Variants in ERC1 observed in about 807,000 individuals in gnomAD.
ERC1 encodes the protein RAB6 interacting protein 2.
ERC1 carries 56 observed loss-of-function variants against 132.0 expected under a neutral mutation model. That is an observed-to-expected ratio of 0.42 (90% CI 0.34 to 0.53). The LOEUF (loss-of-function observed/expected upper bound fraction) is 0.53, where lower values mean the gene tolerates loss of function less well. Ranked by LOEUF, ERC1 falls within the 20% of genes least tolerant of loss-of-function variation. The pLI, the probability that ERC1 is intolerant of heterozygous loss-of-function variation, is 0.03. For missense variants in ERC1, 1,202 were observed against 1,349.9 expected (o/e 0.89, Z 1.72); for synonymous variants, 478 against 476.1 (o/e 1.00, Z -0.05).
intron 2 of ERC1, among the ~76,000 whole-genome samples, chr12:1,041,207 T>C (rs1180761943): frequency 2.3e-5 from 3 of 128,222 alleles, no homozygotes; most frequent in Admixed American, 8.4e-5. Flanking sequence ...AAGTCTCTCT[T>C]TCTTTTTTTT....
At chr12:1,097,445 CT>C (rs1210831466) in intron 3 of ERC1, among the ~76,000 whole-genome samples, 1 of 152,170 alleles carries the variant, frequency 6.6e-6, no homozygotes, top group African/African-American at 2.4e-5. Flanking sequence ...TAAGCTTGAC[CT>C]TTTAGTGTCT....
At chr12:1,017,843 A>G (rs1965765569) in intron 1 of ERC1, among the ~76,000 whole-genome samples, 1 of 152,158 alleles carries the variant, frequency 6.6e-6, no homozygotes, top group South Asian at 2.1e-4. Context: ...TACAAAATTC[A>G]TCTTAAGTGC....
intron 1 of ERC1, chr12:998,271 T>C (rs1170267147): frequency 3.3e-5 from 5 of 152,268 alleles, no homozygotes; most frequent in Non-Finnish European, 7.3e-5. Flanking sequence ...CTAGTTTCTA[T>C]TGGCTATATA....
intron 15 of ERC1, among the ~76,000 whole-genome samples, chr12:1,347,507 A>G (rs1486821363): frequency 6.6e-6 from 1 of 152,158 alleles, no homozygotes; most frequent in Admixed American, 6.5e-5. Flanking sequence ...ATACTCAGCA[A>G]TTTTCAAGAT....
At chr12:1,225,450 ACACACACACACACACAC>A (rs1391925980) in intron 12 of ERC1, among the ~76,000 whole-genome samples, 2 of 50,826 alleles carry the variant, frequency 3.9e-5, no homozygotes, top group South Asian at 7.5e-4. Flanking sequence ...GCTGTCTCTT[ACACACACACACACACAC>A]ACACACACAC....
chr12:1,326,254 T>C (rs937077187), intron 15 of ERC1, among the ~76,000 whole-genome samples: 1 of 152,130 alleles, frequency 6.6e-6, no homozygotes, highest in South Asian at 2.1e-4. Flanking sequence ...ACCACTAATT[T>C]AAAAAGGTAA....
chr12:1,166,350 A>T lies in ERC1; in HGVS notation c.1738-14190A>T, dbSNP rs180849419. ...TTGCCTTGTGCCTTCCAAGCAAGTC[A>T]CATGGTGGCTTGCCTTCCAACATGA... On this transcript the variant is annotated intron_variant, in intron 8 of 18. Transcript: ENST00000360905. 3.3e-5 allele frequency among the ~76,000 whole-genome samples: 5 copies of T among 152,304 alleles called. No individual in the cohort carries two copies. In the East Asian group the frequency reaches 9.6e-4, roughly 29 times the overall value.
At chr12:1,035,990 A>T (rs1188175475) in intron 2 of ERC1, among the ~76,000 whole-genome samples, 1 of 152,080 alleles carries the variant, frequency 6.6e-6, no homozygotes, top group Non-Finnish European at 1.5e-5. Flanking sequence ...GATTATCATC[A>T]TACTTTTTAA....
At chr12:1,102,343 G>A (rs1025911958) in intron 3 of ERC1, among the ~76,000 whole-genome samples, 7 of 152,106 alleles carry the variant, frequency 4.6e-5, no homozygotes, top group African/African-American at 1.7e-4. Flanking sequence ...AATTTTTAAC[G>A]ACTGCTTACA....
chr12:1,128,688 A>G (rs1399777335), intron 7 of ERC1, among the ~76,000 whole-genome samples: 1 of 152,228 alleles, frequency 6.6e-6, no homozygotes, highest in Non-Finnish European at 1.5e-5. Flanking sequence ...TCTATGTAGT[A>G]ACACTCAGTA....
At chr12:1,333,873 A>G (rs1342688610) in intron 15 of ERC1, among the ~76,000 whole-genome samples, 1 of 152,116 alleles carries the variant, frequency 6.6e-6, no homozygotes, top group Non-Finnish European at 1.5e-5. Context: ...CCCGCCAACA[A>G]TGTATAAGTG....
chr12:1,188,689 A>T (rs1205294174), intron 11 of ERC1, among the ~76,000 whole-genome samples: 1 of 152,216 alleles, frequency 6.6e-6, no homozygotes, highest in African/African-American at 2.4e-5. Flanking sequence ...TATAGCTGTT[A>T]CTTTCACCAA....
chr12:1,402,264 C>T (rs2091132527), intron 16 of ERC1, among the ~76,000 whole-genome samples: 1 of 152,146 alleles, frequency 6.6e-6, no homozygotes, highest in East Asian at 1.9e-4. Flanking sequence ...GGCACGGTGG[C>T]TCACGCCGTA....
intron 17 of ERC1, among the ~76,000 whole-genome samples, chr12:1,421,962 G>C (rs2092447278): frequency 6.6e-6 from 1 of 152,184 alleles, no homozygotes; most frequent in Non-Finnish European, 1.5e-5. Flanking sequence ...GGAGGCAGAG[G>C]TTGTAGTAAG....
chr12:1,137,297 C>T (rs1470931846), intron 7 of ERC1, among the ~76,000 whole-genome samples: 1 of 151,062 alleles, frequency 6.6e-6, no homozygotes, highest in African/African-American at 2.4e-5. Flanking sequence ...TGGGGTTTCA[C>T]CATGTTGGCC....
At chr12:1,052,745 G>A (rs1017156296) in intron 2 of ERC1, among the ~76,000 whole-genome samples, 6 of 152,124 alleles carry the variant, frequency 3.9e-5, no homozygotes, top group Non-Finnish European at 8.8e-5. Context: ...GGAGGAGGGC[G>A]GATCACCTGA....
intron 12 of ERC1, among the ~76,000 whole-genome samples, chr12:1,202,096 GGGGAAGCTGCTT>G (rs1429017187): frequency 6.6e-6 from 1 of 152,124 alleles, no homozygotes. Context: ...CTTGCTTTCT[GGGGAAGCTGCTT>G]GTTTCTTTCT....
intron 17 of ERC1, among the ~76,000 whole-genome samples, chr12:1,440,787 T>A (rs991338993): frequency 2.0e-5 from 3 of 151,422 alleles, no homozygotes; most frequent in Non-Finnish European, 4.4e-5. Flanking sequence ...TAGCTGAGAC[T>A]ACAGGTGCGC....
intron 16 of ERC1, among the ~76,000 whole-genome samples, chr12:1,376,319 C>T (rs1029929260): frequency 2.0e-5 from 3 of 152,132 alleles, no homozygotes; most frequent in South Asian, 2.1e-4. Context: ...TTTAAATGCC[C>T]GTCTGGCTGA....
Sources: gnomAD v4.1 joint callset for allele counts (sites outside exome capture counted in the v4.1 genomes callset) on GRCh38, gnomAD v4.1.1 for gene constraint, MANE v1.5 for transcripts, NCBI Gene and HGNC (gene_info 2026-07-23, HGNC 2026-07-21) for gene names.